The following PELI2 variants were observed in gnomAD, a reference collection of about 807,000 sequenced individuals.
The protein encoded by PELI2 is pellino E3 ubiquitin protein ligase family member 2, also known as E3 ubiquitin-protein ligase pellino homolog 2.
Under a neutral mutation model 42.3 loss-of-function variants are expected in PELI2, and 23 were observed. That is an observed-to-expected ratio of 0.54 (90% CI 0.39 to 0.77). PELI2 has a LOEUF of 0.77. Ranked by LOEUF, PELI2 falls within the 30% of genes least tolerant of loss-of-function variation. The probability of loss-of-function intolerance (pLI) is 0.00; values close to 1 mark genes in which losing one functional copy is unlikely to be tolerated. For synonymous variants in PELI2, 245 were observed against 212.2 expected, an observed-to-expected ratio of 1.15 and a Z score of -1.34; for missense variants, 463 against 553.2, an observed-to-expected ratio of 0.84 and a Z score of 1.64.
intron 1 of PELI2, among the ~76,000 whole-genome samples, chr14:56,150,192 A>G (rs1884290435): frequency 6.6e-6 from 1 of 152,268 alleles, no homozygotes; most frequent in African/African-American, 2.4e-5. Flanking sequence ...CCTGGCAGCA[A>G]GCACGGCGTA....
In PELI2 at chr14:56,121,980, C is replaced by T. The variant is rs545070434; in HGVS notation, c.77+3243C>T. On this transcript the variant is annotated intron_variant, in intron 1 of 5. Coordinates refer to ENST00000267460, the MANE Select transcript of PELI2 (RefSeq NM_021255.3). ...GTTGTAATGATATACATCTGTTTGA[C>T]TCATTGGTGTTAGGTTACCCATGGG... Among the ~76,000 whole-genome samples, 5 of 152,322 alleles carry T rather than the reference C, an allele frequency of 3.3e-5. No homozygotes were observed. The East Asian group carries it at 7.7e-4, about 23-fold the overall frequency.
intron 2 of PELI2, among the ~76,000 whole-genome samples, chr14:56,271,839 G>A (rs573267695): frequency 2.6e-5 from 4 of 152,284 alleles, no homozygotes; most frequent in African/African-American, 9.6e-5. Context: ...AGCAGATCGC[G>A]TGAGCCCAGG....
intron 2 of PELI2, among the ~76,000 whole-genome samples, chr14:56,245,144 G>A (rs529246868): frequency 6.6e-6 from 1 of 152,244 alleles, no homozygotes; most frequent in South Asian, 2.1e-4. Context: ...AATTCCAAGC[G>A]AGGCGTTTAG....
chr14:56,291,890 C>A (rs185236923), intron 5 of PELI2, among the ~76,000 whole-genome samples: 1 of 152,334 alleles, frequency 6.6e-6, no homozygotes, highest in East Asian at 1.9e-4. Context: ...AAACTCAGGT[C>A]TCCCTGATGG....
chr14:56,145,648 AT>A (rs1244436645), intron 1 of PELI2, among the ~76,000 whole-genome samples: 4 of 152,088 alleles, frequency 2.6e-5, no homozygotes, highest in Admixed American at 6.5e-5. Flanking sequence ...AGCAGTTCAC[AT>A]TTTTTTCATT....
intron 2 of PELI2, among the ~76,000 whole-genome samples, chr14:56,237,007 T>C (rs55764336): frequency 0.16 from 24,994 of 152,098 alleles, 2,611 homozygotes; most frequent in Non-Finnish European, 0.24. Flanking sequence ...CCTGGGCTTT[T>C]CCCCCTGCTC....
chr14:56,161,590 T>C (rs1216492523), intron 1 of PELI2, among the ~76,000 whole-genome samples: 3 of 152,204 alleles, frequency 2.0e-5, no homozygotes, highest in African/African-American at 7.2e-5. Context: ...TCATATCTGT[T>C]ACCTTGACTA....
intron 2 of PELI2, among the ~76,000 whole-genome samples, chr14:56,255,028 A>C (rs1888477906): frequency 6.6e-6 from 1 of 152,228 alleles, no homozygotes; most frequent in Non-Finnish European, 1.5e-5. Flanking sequence ...ACGCTTTTAC[A>C]CTGTTGGTGG....
chr14:56,136,961 C>T (rs1288123712), intron 1 of PELI2, among the ~76,000 whole-genome samples: 1 of 152,192 alleles, frequency 6.6e-6, no homozygotes, highest in East Asian at 1.9e-4. Context: ...AACTGCTTCA[C>T]ACTTCCTTGC....
chr14:56,244,654 C>T (rs1888088226), intron 2 of PELI2, among the ~76,000 whole-genome samples: 1 of 152,204 alleles, frequency 6.6e-6, no homozygotes, highest in Admixed American at 6.5e-5. Context: ...AAAACTCCAT[C>T]ACTGAATGTG....
At chr14:56,119,702 AG>A (rs1247614900) in intron 1 of PELI2, 3 of 869,784 alleles carry the variant, frequency 3.4e-6, no homozygotes, top group South Asian at 5.2e-5. Context: ...GTGAAAGGGG[AG>A]GGGGAAGGGG....
chr14:56,134,881 A>G (rs955044897), intron 1 of PELI2, among the ~76,000 whole-genome samples: 1 of 151,748 alleles, frequency 6.6e-6, no homozygotes, highest in Non-Finnish European at 1.5e-5. Flanking sequence ...CAATTTCCCA[A>G]CCTGACTTCA....
intron 2 of PELI2, among the ~76,000 whole-genome samples, chr14:56,237,847 A>T (rs1286785687): frequency 6.6e-6 from 1 of 151,576 alleles, no homozygotes; most frequent in African/African-American, 2.4e-5. Flanking sequence ...ATTATGGTTG[A>T]TAGAACTAAT....
At chr14:56,120,954 T>C (rs367379) in intron 1 of PELI2, among the ~76,000 whole-genome samples, 18,749 of 152,178 alleles carry the variant, frequency 0.12, 2,103 homozygotes, top group African/African-American at 0.3. Context: ...GTTGAACACA[T>C]TGAAGAGTGC....
chr14:56,140,147 G>C (rs1325242104), intron 1 of PELI2, among the ~76,000 whole-genome samples: 1 of 151,944 alleles, frequency 6.6e-6, no homozygotes, highest in Non-Finnish European at 1.5e-5. Flanking sequence ...TTAGAGCTGG[G>C]TGCTTCAATT....
rs76528188 is a variant in PELI2, at chr14:56,280,806, A to G, written c.309+1029A>G. ...TGTCACAAAAATTAGAAGTCGAACT[A>G]GAGACAATTAGGGCAACAAATCAAG... On this transcript the variant is annotated intron_variant, in intron 3 of 5. Coordinates refer to ENST00000267460, the MANE Select transcript of PELI2 (RefSeq NM_021255.3). Among the ~76,000 whole-genome samples, 155 of 152,248 alleles carry G rather than the reference A, an allele frequency of 1.0e-3. No individual in the cohort carries two copies. In the East Asian group the frequency reaches 0.028, roughly 28 times the overall value.
chr14:56,276,242 T>G (rs936081155), intron 2 of PELI2, among the ~76,000 whole-genome samples: 1 of 152,154 alleles, frequency 6.6e-6, no homozygotes, highest in African/African-American at 2.4e-5. Context: ...TAAATCTGAC[T>G]CTATTTTAGA....
chr14:56,165,768 G>A (rs375912349), intron 1 of PELI2, among the ~76,000 whole-genome samples: 46 of 150,874 alleles, frequency 3.0e-4, no homozygotes, highest in African/African-American at 1.0e-3. Flanking sequence ...TATAGTGACC[G>A]TCTTTGTCTT....
chr14:56,208,072 C>G (rs903619915), intron 2 of PELI2, among the ~76,000 whole-genome samples: 2 of 152,230 alleles, frequency 1.3e-5, no homozygotes, highest in African/African-American at 4.8e-5. Flanking sequence ...GCTGTGTTAT[C>G]AAGGTGCATC....
Sources: allele counts gnomAD v4.1 joint callset (sites outside exome capture counted in the v4.1 genomes callset), GRCh38; gene constraint gnomAD v4.1.1; transcripts MANE v1.5; gene names NCBI Gene and HGNC (gene_info 2026-07-23, HGNC 2026-07-21).